Variants in DAB1 observed in about 807,000 individuals in gnomAD.
The protein encoded by DAB1 is DAB adaptor protein 1, also known as disabled homolog 1.
DAB1 carries 15 observed loss-of-function variants against 64.6 expected under a neutral mutation model. The observed-to-expected ratio is 0.23, with a 90% CI of 0.16 to 0.36. DAB1 has a LOEUF of 0.36. DAB1 is among the 10% of genes least tolerant of loss of function. DAB1 has a pLI of 1.00. For synonymous variants in DAB1, 235 were observed against 251.9 expected (o/e 0.93, Z 0.64); for missense variants, 596 against 706.7 (o/e 0.84, Z 1.78).
intron 1 of DAB1, among the ~76,000 whole-genome samples, chr1:57,339,722 T>G (rs1677415471): frequency 6.6e-6 from 1 of 152,222 alleles, no homozygotes; most frequent in Admixed American, 6.5e-5. Context: ...CACTACCATA[T>G]TAAATGCTTT....
At chr1:58,155,095 C>T (rs951465489) in intron 4 of DAB1, among the ~76,000 whole-genome samples, 2 of 152,146 alleles carry the variant, frequency 1.3e-5, no homozygotes, top group Non-Finnish European at 2.9e-5. Flanking sequence ...GCCTCAGGGC[C>T]GGCCCAGACC....
chr1:57,496,780 G>C (rs1644235527), intron 7 of DAB1, among the ~76,000 whole-genome samples: 1 of 152,128 alleles, frequency 6.6e-6, no homozygotes, highest in South Asian at 2.1e-4. Context: ...AACATGATTT[G>C]CTTTCAGCAC....
At chr1:57,890,456 C>CTTTTTTTTTTTTTTTTTTTT (rs71246207) in intron 5 of DAB1, among the ~76,000 whole-genome samples, 9 of 136,616 alleles carry the variant, frequency 6.6e-5, no homozygotes, top group Non-Finnish European at 9.4e-5. Context: ...CTTTTCTTTT[C>CTTTTTTTTTTTTTTTTTTTT]TTTTTTTTTT....
At chr1:57,563,183 C>T (rs1181855689) in intron 7 of DAB1, among the ~76,000 whole-genome samples, 2 of 152,142 alleles carry the variant, frequency 1.3e-5, no homozygotes, top group Non-Finnish European at 2.9e-5. Context: ...AGGCGGTCAT[C>T]AATACCAGGT....
chr1:58,106,559 A>G (rs558860135), intron 5 of DAB1, among the ~76,000 whole-genome samples: 184 of 152,302 alleles, frequency 1.2e-3, no homozygotes, highest in Non-Finnish European at 2.0e-3. Context: ...TCAGACACTG[A>G]AGACCCAGAA....
At chr1:57,360,149 C>T (rs1326752476) in intron 1 of DAB1, among the ~76,000 whole-genome samples, 1 of 151,964 alleles carries the variant, frequency 6.6e-6, no homozygotes, top group East Asian at 1.9e-4. Context: ...TTAACAATTT[C>T]ACAATGTGTA....
intron 4 of DAB1, among the ~76,000 whole-genome samples, chr1:58,321,062 T>C (rs1662669612): frequency 6.6e-6 from 1 of 152,228 alleles, no homozygotes; most frequent in South Asian, 2.1e-4. Context: ...CTCCACTCCC[T>C]AGTTTAGGAG....
intron 4 of DAB1, among the ~76,000 whole-genome samples, chr1:58,292,675 G>A (rs1661874117): frequency 6.6e-6 from 1 of 152,080 alleles, no homozygotes; most frequent in African/African-American, 2.4e-5. Flanking sequence ...AATAATATGT[G>A]CTCTCTGCAT....
intron 8 of DAB1, among the ~76,000 whole-genome samples, chr1:57,064,381 T>G (rs1650699902): frequency 6.6e-6 from 1 of 152,166 alleles, no homozygotes; most frequent in South Asian, 2.1e-4. Context: ...TTATTAATAA[T>G]GTGAGCTAAC....
chr1:57,723,232 G>A (rs1647172338), intron 6 of DAB1, among the ~76,000 whole-genome samples: 3 of 152,166 alleles, frequency 2.0e-5, no homozygotes, highest in Admixed American at 1.3e-4. Context: ...CCACGGGCAA[G>A]TTTCTTAAAC....
chr1:57,659,819 A>C (rs1310571722), intron 6 of DAB1, among the ~76,000 whole-genome samples: 1 of 151,934 alleles, frequency 6.6e-6, no homozygotes, highest in African/African-American at 2.4e-5. Context: ...TCTACTAAAA[A>C]TACAAAAATT....
chr1:57,441,402 C>T (rs1685956114), intron 7 of DAB1, among the ~76,000 whole-genome samples: 1 of 150,256 alleles, frequency 6.7e-6, no homozygotes, highest in Admixed American at 6.7e-5. Flanking sequence ...TTTGGAGAGG[C>T]TGGAGTGTAC....
intron 2 of DAB1, among the ~76,000 whole-genome samples, chr1:57,215,801 T>C (rs962483163): frequency 6.6e-6 from 1 of 152,182 alleles, no homozygotes; most frequent in Non-Finnish European, 1.5e-5. Flanking sequence ...TTCAGACTGG[T>C]GCTATGGAAT....
intron 7 of DAB1, among the ~76,000 whole-genome samples, chr1:57,471,308 T>G (rs951124417): frequency 6.6e-6 from 1 of 152,156 alleles, no homozygotes; most frequent in African/African-American, 2.4e-5. Context: ...ATGGGAACAA[T>G]GAGAGGAAGG....
At chr1:58,241,174 T>C (rs1660278176) in intron 4 of DAB1, among the ~76,000 whole-genome samples, 2 of 152,212 alleles carry the variant, frequency 1.3e-5, no homozygotes, top group Admixed American at 1.3e-4. Flanking sequence ...CGAGTCATAC[T>C]CTTTTAAAAA....
chr1:57,789,850 CAAG>C (rs966667321), intron 6 of DAB1, among the ~76,000 whole-genome samples: 7 of 152,112 alleles, frequency 4.6e-5, no homozygotes, highest in African/African-American at 1.7e-4. Context: ...GATTGCTGAC[CAAG>C]AAGATTTCTT....
intron 5 of DAB1, among the ~76,000 whole-genome samples, chr1:57,944,934 A>G (rs920172759): frequency 2.6e-5 from 4 of 152,150 alleles, no homozygotes; most frequent in African/African-American, 9.7e-5. Context: ...CTTTTTCTCT[A>G]CCATGGTCAC....
intron 1 of DAB1, among the ~76,000 whole-genome samples, chr1:57,397,634 C>G (rs1570446052): frequency 6.6e-6 from 1 of 152,308 alleles, no homozygotes; most frequent in East Asian, 1.9e-4. Context: ...CTGAACCTCC[C>G]ACTGGCTCTC....
At chr1:58,409,196 C>T (rs1448013119) in intron 3 of DAB1, among the ~76,000 whole-genome samples, 1 of 152,140 alleles carries the variant, frequency 6.6e-6, no homozygotes, top group Non-Finnish European at 1.5e-5. Context: ...AGCATTTGGT[C>T]TGTTTAAATC....
Sources: gnomAD v4.1 joint callset for allele counts (sites outside exome capture counted in the v4.1 genomes callset) on GRCh38, gnomAD v4.1.1 for gene constraint, MANE v1.5 for transcripts, NCBI Gene and HGNC (gene_info 2026-07-23, HGNC 2026-07-21) for gene names.